Variants in DARS1 observed in about 807,000 individuals in gnomAD.
DARS1 encodes the protein aspartyl-tRNA synthetase 1.
DARS1 carries 51 observed loss-of-function variants against 68.8 expected under a neutral mutation model. The ratio of observed to expected loss-of-function variants is 0.74; its 90% confidence interval spans 0.59 to 0.94. DARS1 has a LOEUF of 0.94. Ranked by LOEUF, DARS1 falls within the 40% of genes least tolerant of loss-of-function variation. DARS1 has a pLI of 0.00. For missense variants in DARS1, 607 were observed against 597.3 expected, an observed-to-expected ratio of 1.02 and a Z score of -0.17; for synonymous variants, 203 against 190.4, an observed-to-expected ratio of 1.07 and a Z score of -0.55.
chr2:135,975,863 T>A (rs1682485705), intron 3 of DARS1, among the ~76,000 whole-genome samples: 1 of 150,062 alleles, frequency 6.7e-6, no homozygotes, highest in Non-Finnish European at 1.5e-5. Flanking sequence ...GCACGAGAAT[T>A]GCTTCAACCC....
chr2:135,976,377 T>G (rs566174712), intron 3 of DARS1, among the ~76,000 whole-genome samples: 3 of 152,154 alleles, frequency 2.0e-5, no homozygotes, highest in South Asian at 4.1e-4. Flanking sequence ...TTTTTTGAGA[T>G]AGAATAACAG....
intron 10 of DARS1, among the ~76,000 whole-genome samples, chr2:135,920,091 T>C (rs761284756): frequency 6.6e-6 from 1 of 152,202 alleles, no homozygotes; most frequent in Non-Finnish European, 1.5e-5. Flanking sequence ...TCTTACACAC[T>C]ACCCTCATAC....
intron 7 of DARS1, among the ~76,000 whole-genome samples, chr2:135,924,938 T>C (rs955810701): frequency 2.6e-5 from 4 of 152,108 alleles, no homozygotes; most frequent in African/African-American, 9.7e-5. Context: ...ATTTTAACCA[T>C]TACAACAATA....
At chr2:135,985,259 C>T (rs1473916241) in intron 1 of DARS1, 144 bp downstream of exon 1, 3 of 1,362,216 alleles carry the variant, frequency 2.2e-6, no homozygotes, top group Non-Finnish European at 1.9e-6. Context: ...GGGGCAAGGG[C>T]TCTAGGCGCC....
intron 2 of DARS1, among the ~76,000 whole-genome samples, chr2:135,982,863 G>A (rs919546482): frequency 3.9e-5 from 6 of 152,164 alleles, no homozygotes; most frequent in African/African-American, 9.7e-5. Flanking sequence ...CAGACTCTGT[G>A]TAAGTCAAGT....
chr2:135,959,476 A>G (rs1682055135), intron 4 of DARS1, among the ~76,000 whole-genome samples: 2 of 151,478 alleles, frequency 1.3e-5, no homozygotes, highest in Non-Finnish European at 2.9e-5. Flanking sequence ...CCTTTAATAA[A>G]ATAATGATAA....
chr2:135,959,070 T>A (rs1682040368), intron 4 of DARS1, among the ~76,000 whole-genome samples: 1 of 151,792 alleles, frequency 6.6e-6, no homozygotes. Flanking sequence ...TAGGCTAAAT[T>A]ACCTATATTC....
chr2:135,937,290 T>G (rs192924942), intron 5 of DARS1, among the ~76,000 whole-genome samples: 4 of 152,110 alleles, frequency 2.6e-5, no homozygotes, highest in African/African-American at 9.7e-5. Flanking sequence ...GGTTTCGCCA[T>G]GTTGATCAGG....
At position 135,922,837 on chromosome 2, in the gene DARS1, T is replaced by C. The variant is rs747897994; in HGVS notation, c.758A>G (p.Tyr253Cys). The C allele has an allele frequency of 1.3e-6, 2 of 1,592,752 alleles. No individual in the cohort carries two copies. Among genetic ancestry groups the C allele is most frequent in the Admixed American group, 1.8e-5 (1 of 56,910 alleles). Residue 253 changes from tyrosine (Y) to cysteine (C), a missense_variant, in exon 9 of 16, where the codon TAT (tyrosine) becomes TGT (cysteine). Tyr to Cys is a radical substitution (Grantham distance 194, BLOSUM62 -2). Transcript: ENST00000264161. ...NAYLAQSPQLYKQMCICADFE... is the reference protein window; with the variant it reads ...NAYLAQSPQLCKQMCICADFE... ...ATCAGCACAAATGCACATTTGCTTATATAGCTGTGGGGACTGAGCCAGGTA... is the reference window on the plus strand; with the variant it reads ...ATCAGCACAAATGCACATTTGCTTACATAGCTGTGGGGACTGAGCCAGGTA...
Position 135,907,261 on chromosome 2 carries a change from T to TTTTTTTTTTTTTTTTTTG in DARS1, c.*54_*55insCAAAAAAAAAAAAAAAAA. On this transcript the variant is annotated 3_prime_UTR_variant, in exon 16 of 16. Coordinates refer to ENST00000264161, the MANE Select transcript of DARS1 (RefSeq NM_001349.4). ...GGCTTTCTTTTTTTTTTTTTTTTTT[T>TTTTTTTTTTTTTTTTTTG]GAGGCAGGGTCTCGCTCTGTCATCC... The TTTTTTTTTTTTTTTTTTG allele has an allele frequency of 6.7e-6, 6 of 889,236 alleles. No homozygotes were observed. The highest frequency in any genetic ancestry group is 6.6e-6 in the Non-Finnish European group (4 of 601,874). 55.1% of individuals were successfully genotyped at this position (889,236 alleles called of 1,614,324 possible).
chr2:135,916,130 A>G lies in DARS1; in HGVS notation c.1106+96T>C, dbSNP rs1680997612. 5 of 610,968 alleles carry G rather than the reference A, an allele frequency of 8.2e-6. No individual in the cohort carries two copies. The Admixed American group carries it at 1.3e-4, about 16-fold the overall frequency. 37.8% of individuals were successfully genotyped at this position (610,968 alleles called of 1,614,324 possible). A position where few individuals can be genotyped will look rare whatever the true frequency, so the allele number is the denominator to read the frequency against. ...TGGAGGACGGGTCAATAGGTGCAGC[A>G]AACCACCATGGCACATGTATACCTA... On this transcript the variant is annotated intron_variant, in intron 11 of 15. Transcript: ENST00000264161.
intron 11 of DARS1, 100 bp from the exon 12 acceptor site, chr2:135,914,611 A>G: frequency 1.2e-6 from 1 of 837,116 alleles, no homozygotes; most frequent in East Asian, 2.4e-5. Flanking sequence ...GGATTACAAA[A>G]TTTGGCCAGA....
intron 4 of DARS1, among the ~76,000 whole-genome samples, chr2:135,960,043 G>T (rs969131833): frequency 3.3e-5 from 5 of 151,968 alleles, no homozygotes; most frequent in Non-Finnish European, 5.9e-5. Context: ...TAGGGACCAA[G>T]CTCATTTATG....
chr2:135,981,678 T>C (rs1404151431), intron 2 of DARS1, among the ~76,000 whole-genome samples: 1 of 151,824 alleles, frequency 6.6e-6, no homozygotes, highest in Non-Finnish European at 1.5e-5. Flanking sequence ...TTTTGGCTTT[T>C]TTTTTTTTTT....
intron 2 of DARS1, among the ~76,000 whole-genome samples, chr2:135,982,658 A>G (rs1329442036): frequency 2.6e-5 from 4 of 152,152 alleles, no homozygotes; most frequent in Non-Finnish European, 5.9e-5. Context: ...AGCGGTTATA[A>G]GAAAAGATAG....
At position 135,922,829 on chromosome 2, in the gene DARS1, T is replaced by G. The variant is rs886037635; in HGVS notation, c.766A>C (p.Met256Leu). The G allele has an allele frequency of 1.3e-6, 2 of 1,590,760 alleles. No individual in the cohort carries two copies. Among genetic ancestry groups the G allele is most frequent in the South Asian group, 2.3e-5 (2 of 86,078 alleles). Reference sequence around the variant, plus strand: ...TTCTCAAAATCAGCACAAATGCACATTTGCTTATATAGCTGTGGGGACTGA... The same window carrying G: ...TTCTCAAAATCAGCACAAATGCACAGTTGCTTATATAGCTGTGGGGACTGA... The part of the protein sequence containing the change: ...LAQSPQLYKQ[M>L]CICADFEKVF... The change falls in exon 9 of 16, where the codon ATG (methionine) becomes CTG (leucine). Residue 256 changes from methionine (M) to leucine (L), a missense_variant. Coordinates refer to ENST00000264161, the MANE Select transcript of DARS1 (RefSeq NM_001349.4).
chr2:135,908,404 TA>T (rs1474566924), intron 15 of DARS1, among the ~76,000 whole-genome samples: 1 of 152,006 alleles, frequency 6.6e-6, no homozygotes, highest in East Asian at 1.9e-4. Context: ...CTATAACTCT[TA>T]AAAAAAATCA....
At chr2:135,974,856 G>C (rs1380278420) in intron 3 of DARS1, among the ~76,000 whole-genome samples, 1 of 152,000 alleles carries the variant, frequency 6.6e-6, no homozygotes, top group African/African-American at 2.4e-5. Context: ...AATAAAATAG[G>C]AACAGGGCAA....
At position 135,907,242 on chromosome 2, in the gene DARS1, CT is replaced by C. The variant is rs992435404; in HGVS notation, c.*73del. 0.093 allele frequency: 42,158 copies of C among 451,164 alleles called. 2 individuals are homozygous for C. Among genetic ancestry groups the C allele is most frequent in the Non-Finnish European group, 0.11 (30,827 of 285,754 alleles). 27.9% of individuals were successfully genotyped at this position (451,164 alleles called of 1,614,324 possible). On this transcript the variant is annotated 3_prime_UTR_variant, in exon 16 of 16. Coordinates refer to ENST00000264161, the MANE Select transcript of DARS1 (RefSeq NM_001349.4). ...TACTGAAAAGAATAAGTGTGGCTTTCTTTTTTTTTTTTTTTTTTTGAGGCAG... is the reference window on the plus strand; with the variant it reads ...TACTGAAAAGAATAAGTGTGGCTTTCTTTTTTTTTTTTTTTTTTGAGGCAG...
Sources: allele counts gnomAD v4.1 joint callset (sites outside exome capture counted in the v4.1 genomes callset), GRCh38; gene constraint gnomAD v4.1.1; transcripts MANE v1.5; gene names NCBI Gene and HGNC (gene_info 2026-07-23, HGNC 2026-07-21).